The following KCNC3 variants were observed in gnomAD, a reference collection of about 807,000 sequenced individuals.
The protein encoded by KCNC3 is voltage-gated potassium channel KCNC3.
KCNC3 carries 22 observed loss-of-function variants against 43.9 expected under a neutral mutation model. The observed-to-expected ratio is 0.50, with a 90% CI of 0.36 to 0.72. The LOEUF (loss-of-function observed/expected upper bound fraction) is 0.72, where lower values mean the gene tolerates loss of function less well. Ranked by LOEUF, KCNC3 falls within the 30% of genes least tolerant of loss-of-function variation. The pLI, the probability that KCNC3 is intolerant of heterozygous loss-of-function variation, is 0.00. For missense variants in KCNC3, 829 were observed against 1,073.8 expected, an observed-to-expected ratio of 0.77 and a Z score of 3.19; for synonymous variants, 492 against 488.0, an observed-to-expected ratio of 1.01 and a Z score of -0.11.
Position 50,329,201 on chromosome 19 carries a change from A to C in KCNC3, c.-119T>G, listed in dbSNP as rs1181278343. 6.9e-5 allele frequency: 8 copies of C among 115,794 alleles called. No individual in the cohort carries two copies. Among genetic ancestry groups the C allele is most frequent in the Admixed American group, 1.1e-4 (1 of 8,994 alleles). 7.2% of individuals were successfully genotyped at this position (115,794 alleles called of 1,614,324 possible). On this transcript the variant is annotated 5_prime_UTR_variant, in exon 1 of 5. Transcript: ENST00000477616. ...CGGGGGCGTGGCTTAGGGGAGAGGA[A>C]CCAAACTGATTGGCCTGGGGGAGGT...
Position 50,320,686 on chromosome 19 carries a change from T to C in KCNC3, c.2077A>G (p.Ile693Val). Reference protein sequence around the residue: ...PAMSPEDKSPITPGSRGRYSR... With the variant: ...PAMSPEDKSPVTPGSRGRYSR... ...TAGCGGCCACGGCTTCCAGGCGTGA[T>C]GGGGCTCTTGTCTTCCGGGGACATG... The change falls in exon 3 of 5, where the codon ATC becomes GTC. Residue 693 changes from isoleucine (I) to valine (V), a missense_variant. By Grantham distance (29) the Ile-to-Val change is conservative (BLOSUM62 3). This residue lies in a region of KCNC3 where 308 missense variants were observed against 276.2 expected (regional missense o/e 1.11). Transcript: ENST00000477616. 6.2e-7 allele frequency: 1 copy of C among 1,613,612 alleles called. No homozygotes were observed. Among genetic ancestry groups the C allele is most frequent in the Non-Finnish European group, 8.5e-7 (1 of 1,179,938 alleles).
chr19:50,316,963 G>A (rs1006901330), intron 4 of KCNC3, among the ~76,000 whole-genome samples: 10 of 152,028 alleles, frequency 6.6e-5, no homozygotes, highest in Non-Finnish European at 1.0e-4. Flanking sequence ...TGAGTTCAAT[G>A]AATGGATTTT....
upstream of KCNC3, chr19:50,329,902 G>C (rs575062064): frequency 8.5e-5 from 13 of 152,672 alleles, no homozygotes; most frequent in South Asian, 2.5e-3. Context: ...GGTTAGTCGG[G>C]GCTGGGCCCG....
Position 50,312,227 on chromosome 19 carries a change from C to CT in KCNC3, c.*3887_*3888insA, listed in dbSNP as rs1271895992. On this transcript the variant is annotated 3_prime_UTR_variant, in exon 5 of 5. Transcript: ENST00000477616. ...AACCCCGCCCCCATCCCTGAGAGCG[C>CT]CCCCTCACCACTCCCCCCACCAGCG... The CT allele has an allele frequency of 6.6e-6, 1 of 151,292 alleles. No homozygotes were observed. Among genetic ancestry groups the CT allele is most frequent in the Non-Finnish European group, 1.5e-5 (1 of 67,770 alleles). 9.4% of individuals were successfully genotyped at this position (151,292 alleles called of 1,614,324 possible).
Position 50,312,672 on chromosome 19 carries a change from G to A in KCNC3, c.*3443C>T, listed in dbSNP as rs555905333. 1 of 152,392 alleles carries A rather than the reference G, an allele frequency of 6.6e-6. No homozygotes were observed. Among genetic ancestry groups the A allele is most frequent in the Admixed American group, 6.5e-5 (1 of 15,298 alleles). 9.4% of individuals were successfully genotyped at this position (152,392 alleles called of 1,614,324 possible). ...CTGAACTCAAAAGCTGGGTACGTGTGGCGGACTGGCGAGCAGGGGGAGACG... is the reference window on the plus strand; with the variant it reads ...CTGAACTCAAAAGCTGGGTACGTGTAGCGGACTGGCGAGCAGGGGGAGACG... On this transcript the variant is annotated 3_prime_UTR_variant, in exon 5 of 5. Coordinates refer to ENST00000477616, the MANE Select transcript of KCNC3 (RefSeq NM_004977.3).
chr19:50,328,691 C>G lies in KCNC3; in HGVS notation c.392G>C (p.Gly131Ala). 7 of 1,605,518 alleles carry G rather than the reference C, an allele frequency of 4.4e-6. No homozygotes were observed. Among genetic ancestry groups the G allele is most frequent in the Non-Finnish European group, 5.9e-6 (7 of 1,176,820 alleles). Residue 131 changes from glycine to alanine, a missense_variant, in exon 1 of 5, where the codon GGC becomes GCC. Gly to Ala is a moderately conservative substitution (Grantham distance 60). Coordinates refer to ENST00000477616, the MANE Select transcript of KCNC3 (RefSeq NM_004977.3). ...EAAARFDYDP[G>A]ADEFFFDRHP... is the part of the protein sequence containing the mutation. ...CCGGTCAAAGAAGAACTCGTCGGCG[C>G]CCGGGTCGTAGTCGAAGCGTGCCGC...
chr19:50,327,637 G>T (rs2123543743), intron 1 of KCNC3, among the ~76,000 whole-genome samples: 1 of 152,202 alleles, frequency 6.6e-6, no homozygotes, highest in South Asian at 2.1e-4. Flanking sequence ...GTGAATCGGG[G>T]AGGTGCTGGG....
At chr19:50,316,833 G>A (rs546196310) in intron 4 of KCNC3, among the ~76,000 whole-genome samples, 2 of 152,056 alleles carry the variant, frequency 1.3e-5, no homozygotes. Context: ...GGTCTTGTGG[G>A]AGGGAGGGTT....
At chr19:50,320,566 A>G in intron 3 of KCNC3, 27 bp downstream of exon 3, 1 of 1,597,508 alleles carries the variant, frequency 6.3e-7, no homozygotes, top group Non-Finnish European at 8.5e-7. Flanking sequence ...GGAGGGTCCC[A>G]GGGGATCAGT....
chr19:50,320,378 T>TG (rs1568570487), intron 3 of KCNC3, 29 bp from the exon 4 acceptor site: 3 of 286,950 alleles, frequency 1.0e-5, no homozygotes, highest in South Asian at 2.4e-5. Context: ...GCCAGAGAGT[T>TG]GGGGGGAATG....
chr19:50,322,455 ACT>A (rs1371121284), intron 2 of KCNC3, among the ~76,000 whole-genome samples: 2 of 150,318 alleles, frequency 1.3e-5, no homozygotes, highest in African/African-American at 4.9e-5. Flanking sequence ...TAGAACCCAA[ACT>A]CTCTGCCGCT....
In KCNC3 at chr19:50,323,199, G is replaced by C; in HGVS notation, c.1754C>G (p.Pro585Arg). The C allele has an allele frequency of 6.6e-7, 1 of 1,517,266 alleles. No homozygotes were observed. Among genetic ancestry groups the C allele is most frequent in the Non-Finnish European group, 8.8e-7 (1 of 1,130,868 alleles). The allele number at this position is 1,517,266 out of a possible 1,614,324, so 94.0% of individuals were successfully genotyped here. ...GCCCCCGCTGCCGTGGTGCGGGTGG[G>C]GCGGGGGTGGCGGGGGTGGGTCAGG... ...CKPDPPPPPP[P>R]HPHHGSGGIS... is the part of the protein sequence containing the mutation. The change falls in exon 2 of 5, where the codon CCC becomes CGC. Residue 585 changes from proline to arginine, a missense_variant. Pro to Arg is a moderately radical substitution (Grantham distance 103). This residue lies in a region of KCNC3 where 308 missense variants were observed against 276.2 expected (regional missense o/e 1.11). Transcript: ENST00000477616.
Position 50,320,772 on chromosome 19 carries a change from T to A in KCNC3, c.1991A>T (p.Asn664Ile). The A allele has an allele frequency of 5.6e-6, 9 of 1,613,594 alleles. No individual in the cohort carries two copies. The highest frequency in any genetic ancestry group is 7.6e-6 in the Non-Finnish European group (9 of 1,179,880). ...IEINRADPRP[N>I]GDPAAAALAH... is the part of the protein sequence containing the mutation. ...AAGCGCAGCTGCTGCCGGATCCCCA[T>A]TGGGGCGAGGATCTGCATCCCAAGG... Residue 664 changes from asparagine (N) to isoleucine (I), a missense_variant, in exon 3 of 5, where the codon AAT becomes ATT. Asn to Ile is a moderately radical substitution (Grantham distance 149, BLOSUM62 -3). Coordinates refer to ENST00000477616, the MANE Select transcript of KCNC3 (RefSeq NM_004977.3).
Position 50,315,982 on chromosome 19 carries a change from G to C in KCNC3, c.*133C>G, listed in dbSNP as rs1371132549. Reference sequence around the variant, plus strand: ...GGAGGGAGGGCTTGGGGGGAGATTTGAAGCCCAGTGTCTTGGGGACACCCC... The same window carrying C: ...GGAGGGAGGGCTTGGGGGGAGATTTCAAGCCCAGTGTCTTGGGGACACCCC... On this transcript the variant is annotated 3_prime_UTR_variant, in exon 5 of 5. Transcript: ENST00000477616. 5 of 265,768 alleles carry C rather than the reference G, an allele frequency of 1.9e-5. No homozygotes were observed. Among genetic ancestry groups the C allele is most frequent in the Non-Finnish European group, 3.0e-5 (4 of 132,136 alleles). The allele number at this position is 265,768 out of a possible 1,614,324, so 16.5% of individuals were successfully genotyped here.
upstream of KCNC3, among the ~76,000 whole-genome samples, chr19:50,332,599 G>A (rs936946522): frequency 1.3e-4 from 20 of 152,142 alleles, no homozygotes; most frequent in African/African-American, 4.6e-4. This position sits in a 1 kb window ranked among gnomAD's most constrained non-coding sequence, Gnocchi z 5.8. Context: ...ACCCATTAGA[G>A]AGGAGGGGGC....
Position 50,324,360 on chromosome 19 carries a change from TG to T in KCNC3, c.871-279del, listed in dbSNP as rs2037076633. ...CAGCTTCTTTCCTTGGAAACATTTC[TG>T]GCCCCTTGCTGTTTCCTAGACCACC... On this transcript the variant is annotated intron_variant, in intron 1 of 4. Transcript: ENST00000477616. The surrounding 1 kb of genome is among the most constrained non-coding windows in gnomAD (Gnocchi z 4.1). 6.6e-6 allele frequency among the ~76,000 whole-genome samples: 1 copy of T among 152,212 alleles called. No individual in the cohort carries two copies. Among genetic ancestry groups the T allele is most frequent in the Non-Finnish European group, 1.5e-5 (1 of 68,032 alleles).
chr19:50,323,627 G>A lies in KCNC3; in HGVS notation c.1326C>T (p.Arg442=), dbSNP rs376183622. ...VGLRVLGHTL[R]ASTNEFLLLI... ...GCAGCAGGAACTCGTTGGTGCTGGCGCGGAGCGTGTGTCCCAGCACGCGCA... is the reference window on the plus strand; with the variant it reads ...GCAGCAGGAACTCGTTGGTGCTGGCACGGAGCGTGTGTCCCAGCACGCGCA... The change falls in exon 2 of 5, where the codon CGC becomes CGT. Residue 442 remains arginine (R), a synonymous_variant. Transcript: ENST00000477616. The A allele has an allele frequency of 2.7e-5, 44 of 1,614,202 alleles. No individual in the cohort carries two copies. The African/African-American group carries it at 2.8e-4, about 10-fold the overall frequency.
upstream of KCNC3, among the ~76,000 whole-genome samples, chr19:50,331,832 C>T (rs923741672): frequency 1.1e-4 from 16 of 151,982 alleles, no homozygotes; most frequent in African/African-American, 3.9e-4. Flanking sequence ...TCTCCACTTC[C>T]TGGGGACCCT....
rs1022172583 is a variant in KCNC3, at chr19:50,324,998, A to C, written c.871-916T>G. ...AGTCACTGGCCTGGACATTGTGGGA[A>C]AAGGCAGAGCCAGGGCCAAAGAGAA... On this transcript the variant is annotated intron_variant, in intron 1 of 4. Coordinates refer to ENST00000477616, the MANE Select transcript of KCNC3 (RefSeq NM_004977.3). This position sits in a 1 kb window ranked among gnomAD's most constrained non-coding sequence, Gnocchi z 4.1. Among the ~76,000 whole-genome samples, 1 of 152,202 alleles carries C rather than the reference A, an allele frequency of 6.6e-6. No homozygotes were observed. Among genetic ancestry groups the C allele is most frequent in the African/African-American group, 2.4e-5 (1 of 41,442 alleles).
Sources: gnomAD v4.1 joint callset for allele counts (sites outside exome capture counted in the v4.1 genomes callset) on GRCh38, gnomAD v4.1.1 for gene constraint, gnomAD v4.1.1 regional missense constraint, Gnocchi (gnomAD v3.1) non-coding constraint, MANE v1.5 for transcripts, NCBI Gene and HGNC (gene_info 2026-07-23, HGNC 2026-07-21) for gene names.